METAP1: variants seen among roughly 807,000 people sequenced by gnomAD.
METAP1 encodes methionine aminopeptidase 1.
A neutral mutation model predicts 53.8 loss-of-function variants in METAP1; 28 were observed. The ratio of observed to expected loss-of-function variants is 0.52; its 90% CI spans 0.39 to 0.71. METAP1 has a LOEUF of 0.71. Ranked by LOEUF, METAP1 falls within the 30% of genes least tolerant of loss-of-function variation. The pLI is 0.00. For missense variants in METAP1, 389 were observed against 479.8 expected (o/e 0.81, Z 1.77); for synonymous variants, 181 against 165.7 (o/e 1.09, Z -0.71).
At chr4:99,045,510 A>G (rs1322627655) in intron 8 of METAP1, among the ~76,000 whole-genome samples, 200 bp downstream of exon 8, 1 of 152,194 alleles carries the variant, frequency 6.6e-6, no homozygotes. Context: ...ATTGGTTAGC[A>G]TCCTTTGTTT....
chr4:99,061,214 G>C lies in METAP1; in HGVS notation c.1058G>C (p.Arg353Pro). 1 of 1,613,874 alleles carries C rather than the reference G, an allele frequency of 6.2e-7. No individual in the cohort carries two copies. The highest frequency in any genetic ancestry group is 1.1e-5 in the South Asian group (1 of 91,064). The change falls in exon 11 of 11, where the codon CGG becomes CCG. Residue 353 changes from arginine (R) to proline (P), a missense_variant. Arg to Pro is a moderately radical substitution (Grantham distance 103). Coordinates refer to ENST00000296411, the MANE Select transcript of METAP1 (RefSeq NM_015143.3). ...ACTGCGGTGACAAGAGACGGAAAGC[G>C]GTCTGCTCAGTTTGAGCACACCCTC... ...GWTAVTRDGK[R>P]SAQFEHTLLV...
At chr4:99,015,640 G>A (rs1048672587) in intron 1 of METAP1, among the ~76,000 whole-genome samples, 2 of 152,136 alleles carry the variant, frequency 1.3e-5, no homozygotes, top group Admixed American at 6.5e-5. Context: ...AAGAAGCGGC[G>A]TCTTGGCTTT....
At position 99,048,760 on chromosome 4, in the gene METAP1, T is replaced by C; in HGVS notation, c.815T>C (p.Leu272Ser). The change falls in exon 9 of 11, where the codon TTG (leucine) becomes TCG (serine). Residue 272 changes from leucine to serine, a missense_variant. Leu to Ser is a moderately radical substitution (Grantham distance 145). Transcript: ENST00000296411. ...AAGCCTGGTGTTCGGTACAGAGAAT[T>C]GGGAAACATTATCCAGAAGCATGCC... is the stretch of plus-strand genomic sequence containing the variant. ...AVKPGVRYRELGNIIQKHAQA... is the reference protein window; with the variant it reads ...AVKPGVRYRESGNIIQKHAQA... 2 of 1,614,006 alleles carry C rather than the reference T, an allele frequency of 1.2e-6. No individual in the cohort carries two copies. Among genetic ancestry groups the C allele is most frequent in the Non-Finnish European group, 1.7e-6 (2 of 1,179,872 alleles).
chr4:99,023,867 GAGAA>G (rs1724328788), intron 1 of METAP1: 2 of 803,882 alleles, frequency 2.5e-6, no homozygotes, highest in South Asian at 1.1e-4. Flanking sequence ...AATTGCAGTA[GAGAA>G]AGAGTTACTT....
intron 1 of METAP1, among the ~76,000 whole-genome samples, chr4:99,008,062 AAGC>A (rs1430466259): frequency 3.9e-5 from 6 of 152,258 alleles, no homozygotes; most frequent in African/African-American, 1.2e-4. Context: ...CAGTTTTTAA[AAGC>A]AGCACACTAA....
chr4:99,060,032 T>C (rs1727427356), intron 10 of METAP1, among the ~76,000 whole-genome samples: 1 of 152,254 alleles, frequency 6.6e-6, no homozygotes, highest in Non-Finnish European at 1.5e-5. Context: ...CAATATATGC[T>C]GAGTATAGTT....
At position 99,045,128 on chromosome 4, in the gene METAP1, A is replaced by G. The variant is rs1023200917; in HGVS notation, c.656-51A>G. The G allele has an allele frequency of 1.8e-5, 28 of 1,570,386 alleles. No homozygotes were observed. In the Admixed American group the frequency reaches 5.1e-4, roughly 28 times the overall value. ...GCTGTCATGTTGGAAAAACACTTGA[A>G]TTTTGAAATGAAAATAAGTATGGTC... On this transcript the variant is annotated intron_variant, in intron 7 of 10. Transcript: ENST00000296411.
chr4:99,039,872 G>A (rs902571341), intron 5 of METAP1, among the ~76,000 whole-genome samples: 12 of 152,066 alleles, frequency 7.9e-5, no homozygotes, highest in Non-Finnish European at 1.3e-4. Flanking sequence ...GATTACAGGC[G>A]TGAGCCACCA....
chr4:98,996,054 G>A (rs1166178397), intron 1 of METAP1, among the ~76,000 whole-genome samples, 187 bp downstream of exon 1: 1 of 152,162 alleles, frequency 6.6e-6, no homozygotes, highest in Admixed American at 6.5e-5. Context: ...CTGGGTCCTC[G>A]GGAACCGCGC....
chr4:99,060,451 C>T (rs1352362138), intron 10 of METAP1, among the ~76,000 whole-genome samples: 1 of 148,016 alleles, frequency 6.8e-6, no homozygotes, highest in Non-Finnish European at 1.5e-5. Flanking sequence ...GCAAGCTCTG[C>T]CTCCCAGGTT....
intron 1 of METAP1, among the ~76,000 whole-genome samples, chr4:99,012,739 T>C (rs1723551135): frequency 6.9e-6 from 1 of 144,180 alleles, no homozygotes; most frequent in Non-Finnish European, 1.5e-5. Flanking sequence ...TGACACAGCC[T>C]CAGGAGTTCT....
At chr4:99,048,461 G>A (rs1248920602) in intron 8 of METAP1, among the ~76,000 whole-genome samples, 2 of 151,978 alleles carry the variant, frequency 1.3e-5, no homozygotes, top group Non-Finnish European at 2.9e-5. Context: ...TTGACCTCCC[G>A]GGTTCTAGTG....
chr4:99,039,242 C>T, intron 4 of METAP1, 132 bp from the exon 5 acceptor site: 2 of 557,802 alleles, frequency 3.6e-6, no homozygotes, highest in South Asian at 2.8e-5. Context: ...TAACCTAGAC[C>T]ATCCCAAATC....
At chr4:99,015,389 C>T (rs1205765995) in intron 1 of METAP1, among the ~76,000 whole-genome samples, 2 of 152,170 alleles carry the variant, frequency 1.3e-5, no homozygotes, top group Admixed American at 6.5e-5. Context: ...CTATCGGATC[C>T]TTCCCCTTTG....
At chr4:99,012,665 T>G (rs1360481400) in intron 1 of METAP1, among the ~76,000 whole-genome samples, 9 of 149,710 alleles carry the variant, frequency 6.0e-5, no homozygotes, top group African/African-American at 2.0e-4. Context: ...TTTTTTTTTT[T>G]TTTTTTTTTT....
rs955827921 is a variant in METAP1, at chr4:99,028,891, A to G, written c.139A>G (p.Thr47Ala). The G allele has an allele frequency of 6.5e-7, 1 of 1,546,414 alleles. No individual in the cohort carries two copies. Residue 47 changes from threonine (T) to alanine (A), a missense_variant, in exon 2 of 11, where the codon ACT becomes GCT. Physicochemically the swap from Thr to Ala is moderately conservative, Grantham distance 58. Transcript: ENST00000296411. ...SQECFKGSWA[T>A]HKLLHKKAKD... ...GGAATGTTTTAAAGGAAGTTGGGCT[A>G]CTCACAAGTTACTACATAAGAAAGC...
chr4:99,052,447 C>T (rs528053923), intron 9 of METAP1, among the ~76,000 whole-genome samples: 7 of 152,266 alleles, frequency 4.6e-5, no homozygotes, highest in African/African-American at 1.7e-4. Flanking sequence ...CTGGAGAGGC[C>T]TCAGGGAACT....
chr4:99,041,517 T>C (rs1725865826), intron 6 of METAP1, among the ~76,000 whole-genome samples: 2 of 152,008 alleles, frequency 1.3e-5, no homozygotes, highest in Non-Finnish European at 2.9e-5. Flanking sequence ...CTCAAGGCAA[T>C]GAACAGTCCA....
chr4:99,023,520 A>G (rs1724304837), intron 1 of METAP1: 1 of 985,334 alleles, frequency 1.0e-6, no homozygotes, highest in Non-Finnish European at 1.2e-6. Context: ...CACTCTCATC[A>G]ACATGAATTG....
Sources: allele counts gnomAD v4.1 joint callset (sites outside exome capture counted in the v4.1 genomes callset), GRCh38; gene constraint gnomAD v4.1.1; transcripts MANE v1.5; gene names NCBI Gene and HGNC (gene_info 2026-07-23, HGNC 2026-07-21).